ADGRB3: variants seen among roughly 807,000 people sequenced by gnomAD.
ADGRB3 encodes the protein adhesion G protein-coupled receptor B3, also known as brain-specific angiogenesis inhibitor 3.
A neutral mutation model predicts 193.4 loss-of-function variants in ADGRB3; 37 were observed. The observed-to-expected ratio is 0.19, with a 90% confidence interval of 0.15 to 0.25. The LOEUF is 0.25. Among genes scored for constraint, ADGRB3 ranks in the 10% least tolerant of loss-of-function variants. The pLI, the probability that ADGRB3 is intolerant of heterozygous loss-of-function variation, is 1.00. For synonymous variants in ADGRB3, 690 were observed against 644.2 expected, an observed-to-expected ratio of 1.07 and a Z score of -1.08; for missense variants, 1,637 against 1,852.9, an observed-to-expected ratio of 0.88 and a Z score of 2.14.
intron 3 of ADGRB3, among the ~76,000 whole-genome samples, chr6:68,741,354 G>A (rs1041265309): frequency 6.6e-6 from 1 of 152,054 alleles, no homozygotes; most frequent in African/African-American, 2.4e-5. Context: ...TTGAATACAA[G>A]CAGTCTGGCT....
At chr6:68,949,966 T>G (rs1767871607) in intron 6 of ADGRB3, among the ~76,000 whole-genome samples, 1 of 152,170 alleles carries the variant, frequency 6.6e-6, no homozygotes, top group Non-Finnish European at 1.5e-5. Context: ...AAAATGATGT[T>G]GCATTTTTAT....
intron 20 of ADGRB3, among the ~76,000 whole-genome samples, chr6:69,285,766 G>T (rs1161639151): frequency 6.6e-6 from 1 of 151,968 alleles, no homozygotes; most frequent in East Asian, 1.9e-4. Context: ...TTGATATTCT[G>T]CATGCTCTCC....
At chr6:69,179,415 T>C (rs1354721174) in intron 17 of ADGRB3, among the ~76,000 whole-genome samples, 1 of 152,244 alleles carries the variant, frequency 6.6e-6, no homozygotes, top group African/African-American at 2.4e-5. Flanking sequence ...ATGTAGATTT[T>C]CAACCTTGTC....
chr6:68,890,288 G>T (rs1766036591), intron 3 of ADGRB3, among the ~76,000 whole-genome samples: 1 of 152,178 alleles, frequency 6.6e-6, no homozygotes, highest in South Asian at 2.1e-4. Context: ...TTTTACTCAT[G>T]ATGTTCAATT....
intron 31 of ADGRB3, among the ~76,000 whole-genome samples, chr6:69,386,244 CAT>C: frequency 6.6e-6 from 1 of 152,134 alleles, no homozygotes. Context: ...TTCACATATC[CAT>C]AACAGTTGAT....
chr6:68,934,651 A>C (rs867939304), intron 4 of ADGRB3, among the ~76,000 whole-genome samples: 1 of 152,170 alleles, frequency 6.6e-6, no homozygotes. Context: ...CATTTTAAAA[A>C]GTGTATTATA....
intron 3 of ADGRB3, among the ~76,000 whole-genome samples, chr6:68,749,716 G>A (rs1444451719): frequency 1.3e-5 from 2 of 151,756 alleles, no homozygotes; most frequent in African/African-American, 2.4e-5. Flanking sequence ...ACTGTTGCAG[G>A]ATACACTTAA....
At chr6:68,665,602 T>C (rs2127291587) in intron 3 of ADGRB3, among the ~76,000 whole-genome samples, 1 of 151,942 alleles carries the variant, frequency 6.6e-6, no homozygotes, top group African/African-American at 2.4e-5. Context: ...AAGTACCACA[T>C]ACCATGATAG....
intron 3 of ADGRB3, among the ~76,000 whole-genome samples, chr6:68,736,901 T>C (rs1415232253): frequency 6.6e-6 from 1 of 152,048 alleles, no homozygotes; most frequent in Non-Finnish European, 1.5e-5. Flanking sequence ...AGTTTTTCTC[T>C]CTTTTTTAAC....
At chr6:69,241,494 G>A (rs1235567503) in intron 20 of ADGRB3, among the ~76,000 whole-genome samples, 1 of 151,880 alleles carries the variant, frequency 6.6e-6, no homozygotes, top group Non-Finnish European at 1.5e-5. Context: ...ACGACGTTGT[G>A]TAGGTCTAAA....
chr6:68,817,786 A>C (rs886423281), intron 3 of ADGRB3, among the ~76,000 whole-genome samples: 3 of 152,076 alleles, frequency 2.0e-5, no homozygotes, highest in Non-Finnish European at 2.9e-5. Flanking sequence ...GGGCAACTAA[A>C]AACAGTGGTA....
At chr6:69,089,046 ATAATT>A (rs1046063964) in intron 17 of ADGRB3, among the ~76,000 whole-genome samples, 6 of 152,238 alleles carry the variant, frequency 3.9e-5, no homozygotes, top group African/African-American at 9.6e-5. Context: ...CTGAAGAATG[ATAATT>A]TAATTTAAGA....
chr6:68,963,423 TC>T (rs1353479778), intron 8 of ADGRB3, among the ~76,000 whole-genome samples: 1 of 152,180 alleles, frequency 6.6e-6, no homozygotes, highest in Non-Finnish European at 1.5e-5. Context: ...TGACTTGCTT[TC>T]TCAAAAACTT....
At chr6:68,665,814 C>A (rs1375757576) in intron 3 of ADGRB3, among the ~76,000 whole-genome samples, 1 of 151,620 alleles carries the variant, frequency 6.6e-6, no homozygotes, top group Admixed American at 6.6e-5. Context: ...TAAGTTAACA[C>A]CTTTGTATTC....
intron 4 of ADGRB3, among the ~76,000 whole-genome samples, chr6:68,933,994 T>C (rs1463233353): frequency 6.6e-6 from 1 of 152,194 alleles, no homozygotes; most frequent in African/African-American, 2.4e-5. Flanking sequence ...CATTGAATAT[T>C]TTTAACATCT....
intron 3 of ADGRB3, among the ~76,000 whole-genome samples, chr6:68,897,199 A>C (rs2150231343): frequency 6.6e-6 from 1 of 151,994 alleles, no homozygotes; most frequent in South Asian, 2.1e-4. Context: ...GTCTAATACA[A>C]GAAATACAGA....
intron 17 of ADGRB3, among the ~76,000 whole-genome samples, chr6:69,081,545 C>G (rs900302043): frequency 6.6e-6 from 1 of 151,710 alleles, no homozygotes; most frequent in Non-Finnish European, 1.5e-5. Flanking sequence ...CTAAATGAAA[C>G]TTTTACTTTT....
At chr6:69,106,663 C>G (rs1234026776) in intron 17 of ADGRB3, among the ~76,000 whole-genome samples, 1 of 152,134 alleles carries the variant, frequency 6.6e-6, no homozygotes, top group East Asian at 1.9e-4. Context: ...TATAGTAAAG[C>G]CTGAAAAGGC....
At chr6:68,828,081 C>A (rs896655642) in intron 3 of ADGRB3, among the ~76,000 whole-genome samples, 2 of 152,108 alleles carry the variant, frequency 1.3e-5, no homozygotes, top group Non-Finnish European at 2.9e-5. Flanking sequence ...TGAGTAGCTA[C>A]GTGACATTCA....
Sources: gnomAD v4.1 joint callset for allele counts (sites outside exome capture counted in the v4.1 genomes callset) on GRCh38, gnomAD v4.1.1 for gene constraint, MANE v1.5 for transcripts, NCBI Gene and HGNC (gene_info 2026-07-23, HGNC 2026-07-21) for gene names.